Variants in UBASH3B observed in about 807,000 individuals in gnomAD.
UBASH3B encodes the protein ubiquitin-associated and SH3 domain-containing protein B.
Under a neutral mutation model 83.4 loss-of-function variants are expected in UBASH3B, and 37 were observed. The ratio of observed to expected loss-of-function variants is 0.44; its 90% CI spans 0.34 to 0.58. The LOEUF is 0.58. Among genes scored for constraint, UBASH3B ranks in the 20% least tolerant of loss-of-function variants. The probability of loss-of-function intolerance (pLI) is 0.01; values close to 1 mark genes in which losing one functional copy is unlikely to be tolerated. For missense variants in UBASH3B, 657 were observed against 827.2 expected (o/e 0.79, Z 2.52); for synonymous variants, 304 against 318.3 (o/e 0.96, Z 0.48).
chr11:122,685,028 G>A lies in UBASH3B; in HGVS notation c.161+28818G>A, dbSNP rs181486767. ...TTCTGGCTCATCAACATATCTTCAC[G>A]GGCCGCGGGTCTGAAACTGCATTAT... On this transcript the variant is annotated intron_variant, in intron 1 of 13. Coordinates refer to ENST00000284273, the MANE Select transcript of UBASH3B (RefSeq NM_032873.5). Among the ~76,000 whole-genome samples the A allele has an allele frequency of 1.2e-3, 190 of 152,096 alleles. 2 individuals carry two copies. Among genetic ancestry groups the A allele is most frequent in the Middle Eastern group, 0.01 (3 of 294 alleles).
chr11:122,778,051 C>T (rs574870551), intron 3 of UBASH3B, among the ~76,000 whole-genome samples: 1 of 152,218 alleles, frequency 6.6e-6, no homozygotes, highest in South Asian at 2.1e-4. Context: ...AATATAATCC[C>T]CCTCACTATC....
At chr11:122,807,735 A>T (rs879570567) in intron 12 of UBASH3B, among the ~76,000 whole-genome samples, 1 of 151,974 alleles carries the variant, frequency 6.6e-6, no homozygotes, top group Non-Finnish European at 1.5e-5. Context: ...AAAATTTTCT[A>T]TAGGGACAGG....
At chr11:122,775,438 C>T (rs1860715385) in intron 1 of UBASH3B, among the ~76,000 whole-genome samples, 2 of 152,322 alleles carry the variant, frequency 1.3e-5, no homozygotes, top group South Asian at 2.1e-4. Context: ...TACTCATCCT[C>T]AAAGATGTCT....
intron 1 of UBASH3B, among the ~76,000 whole-genome samples, chr11:122,733,083 AAAGACTCG>A (rs1860869896): frequency 6.6e-6 from 1 of 152,198 alleles, no homozygotes; most frequent in South Asian, 2.1e-4. Context: ...TTCTCTCTTT[AAAGACTCG>A]AAGCCTTTGT....
chr11:122,804,357 G>A (rs749511447), intron 11 of UBASH3B, among the ~76,000 whole-genome samples: 3 of 152,184 alleles, frequency 2.0e-5, no homozygotes, highest in Non-Finnish European at 4.4e-5. Context: ...AAACAGGCAT[G>A]CTGAGAGAAT....
chr11:122,660,840 G>A (rs1447016908), intron 1 of UBASH3B, among the ~76,000 whole-genome samples: 1 of 152,178 alleles, frequency 6.6e-6, no homozygotes, highest in Non-Finnish European at 1.5e-5. Context: ...AGAGATAATA[G>A]TCTTGGGAAG....
At chr11:122,726,680 A>G (rs1209523339) in intron 1 of UBASH3B, among the ~76,000 whole-genome samples, 3 of 152,210 alleles carry the variant, frequency 2.0e-5, no homozygotes, top group Non-Finnish European at 1.5e-5. Context: ...ATGGGATCAT[A>G]GATTCTTCCT....
chr11:122,721,113 C>T (rs988354443), intron 1 of UBASH3B, among the ~76,000 whole-genome samples: 3 of 151,894 alleles, frequency 2.0e-5, no homozygotes, highest in Admixed American at 6.6e-5. Context: ...GGCGTGGTGG[C>T]GTGTGCCTGT....
chr11:122,798,974 G>T lies in UBASH3B; in HGVS notation c.1390G>T (p.Asp464Tyr), dbSNP rs760559956. The T allele has an allele frequency of 6.2e-7, 1 of 1,613,916 alleles. No homozygotes were observed. The highest frequency in any genetic ancestry group is 1.7e-5 in the Admixed American group (1 of 59,976). Reference protein sequence around the residue: ...EALLESNTIIDHVYCSPSLRC... With the variant: ...EALLESNTIIYHVYCSPSLRC... ...CTTATTAGAGAGCAATACCATTATC[G>T]ATCATGTCTATTGCTCCCCGTCCCT... Residue 464 changes from aspartate to tyrosine, a missense_variant, in exon 10 of 14, where the codon GAT becomes TAT. Transcript: ENST00000284273.
chr11:122,691,540 C>T (rs963409321), intron 1 of UBASH3B, among the ~76,000 whole-genome samples: 5 of 152,164 alleles, frequency 3.3e-5, no homozygotes, highest in African/African-American at 9.7e-5. Flanking sequence ...TTTCTCCCAC[C>T]GGGGTGCTGC....
rs140182588 is a variant in UBASH3B at position 122,750,964 on chromosome 11, A to G, written c.162-25255A>G. Among the ~76,000 whole-genome samples, 9 of 152,324 alleles carry G rather than the reference A, an allele frequency of 5.9e-5. No homozygotes were observed. The East Asian group carries it at 1.7e-3, about 29-fold the overall frequency. ...TTATCATTTTCCCTGAGAAAGGTGCATTGAACACTGACAGTGGGATTATTG... is the reference window on the plus strand; with the variant it reads ...TTATCATTTTCCCTGAGAAAGGTGCGTTGAACACTGACAGTGGGATTATTG... On this transcript the variant is annotated intron_variant, in intron 1 of 13. Coordinates refer to ENST00000284273, the MANE Select transcript of UBASH3B (RefSeq NM_032873.5).
chr11:122,726,415 T>A (rs1860742628), intron 1 of UBASH3B: 1 of 148,816 alleles, frequency 6.7e-6, no homozygotes, highest in Non-Finnish European at 1.5e-5. Flanking sequence ...AGTGGCGCGA[T>A]CTTGGCATAC....
At chr11:122,802,331 A>G (rs1191519698) in intron 11 of UBASH3B, among the ~76,000 whole-genome samples, 1 of 151,104 alleles carries the variant, frequency 6.6e-6, no homozygotes, top group Non-Finnish European at 1.5e-5. Flanking sequence ...AAAAAAAAAA[A>G]AAAAAGAATT....
intron 7 of UBASH3B, 140 bp downstream of exon 7, chr11:122,794,974 G>T: frequency 7.9e-7 from 1 of 1,266,892 alleles, no homozygotes; most frequent in Non-Finnish European, 1.1e-6. Flanking sequence ...AATTATAAAA[G>T]ATATACAAAA....
chr11:122,802,558 A>AT (rs937135384), intron 11 of UBASH3B, among the ~76,000 whole-genome samples: 6 of 152,078 alleles, frequency 3.9e-5, no homozygotes, highest in African/African-American at 1.4e-4. Flanking sequence ...CATTAAAGCA[A>AT]TGTGCATTTC....
chr11:122,760,646 C>T (rs1351466687), intron 1 of UBASH3B, among the ~76,000 whole-genome samples: 1 of 152,156 alleles, frequency 6.6e-6, no homozygotes, highest in Non-Finnish European at 1.5e-5. Context: ...CAGGTGTGAG[C>T]CACTGCACCC....
intron 1 of UBASH3B, among the ~76,000 whole-genome samples, chr11:122,672,032 G>A (rs937245850): frequency 6.6e-6 from 1 of 152,046 alleles, no homozygotes; most frequent in African/African-American, 2.4e-5. Context: ...TGTTTAGTCT[G>A]GAAAAGACAT....
intron 1 of UBASH3B, among the ~76,000 whole-genome samples, chr11:122,740,957 A>T (rs530263039): frequency 2.0e-5 from 3 of 152,350 alleles, no homozygotes; most frequent in African/African-American, 7.2e-5. Flanking sequence ...TGAGGTTAGT[A>T]ATCTAATTAA....
At chr11:122,808,019 C>T in intron 12 of UBASH3B, 48 bp from the exon 13 acceptor site, 1 of 1,457,076 alleles carries the variant, frequency 6.9e-7, no homozygotes, top group Non-Finnish European at 9.6e-7. Flanking sequence ...GCAAAGTTTC[C>T]ATGTCTTTAT....
Sources: gnomAD v4.1 joint callset for allele counts (sites outside exome capture counted in the v4.1 genomes callset) on GRCh38, gnomAD v4.1.1 for gene constraint, MANE v1.5 for transcripts, NCBI Gene and HGNC (gene_info 2026-07-23, HGNC 2026-07-21) for gene names.